EBF1: variants seen among roughly 807,000 people sequenced by gnomAD.
EBF1 encodes the protein transcription factor COE1.
A neutral mutation model predicts 68.4 loss-of-function variants in EBF1; 10 were observed. That is an observed-to-expected ratio of 0.15 (90% CI 0.09 to 0.25). The LOEUF is 0.25. Ranked by LOEUF, EBF1 falls within the 10% of genes least tolerant of loss-of-function variation. The probability of loss-of-function intolerance (pLI) is 1.00; values close to 1 mark genes in which losing one functional copy is unlikely to be tolerated. For synonymous variants in EBF1, 298 were observed against 299.8 expected (o/e 0.99, Z 0.06); for missense variants, 509 against 794.4 (o/e 0.64, Z 4.32).
At position 158,714,102 on chromosome 5, in the gene EBF1, A is replaced by T; in HGVS notation, c.1191+15T>A. The T allele has an allele frequency of 2.5e-6, 4 of 1,613,962 alleles. No homozygotes were observed. Among genetic ancestry groups the T allele is most frequent in the Non-Finnish European group, 3.4e-6 (4 of 1,179,836 alleles). The stretch of plus-strand genomic sequence containing the variant: ...ATGTGGCAGTCCACACAGGCTAGAC[A>T]CCCACAGCGCTCACCTGGTTGTTGT... On this transcript the variant is annotated intron_variant, in intron 12 of 15. Transcript: ENST00000313708.
At chr5:159,014,673 C>T (rs924446525) in intron 6 of EBF1, among the ~76,000 whole-genome samples, 3 of 152,132 alleles carry the variant, frequency 2.0e-5, no homozygotes, top group Admixed American at 1.3e-4. Context: ...CATGGCTGCC[C>T]ATAATAAAAA....
intron 6 of EBF1, among the ~76,000 whole-genome samples, chr5:159,062,794 A>C (rs1464771497): frequency 6.6e-6 from 1 of 152,244 alleles, no homozygotes; most frequent in African/African-American, 2.4e-5. Flanking sequence ...TGTAATACAC[A>C]TAGTTAATAG....
At chr5:158,933,586 G>C (rs1811354592) in intron 6 of EBF1, among the ~76,000 whole-genome samples, 1 of 152,202 alleles carries the variant, frequency 6.6e-6, no homozygotes, top group South Asian at 2.1e-4. Context: ...AAGCTATGAG[G>C]AGGAAGAAAG....
intron 10 of EBF1, among the ~76,000 whole-genome samples, chr5:158,774,819 G>A (rs1774743106): frequency 6.6e-6 from 1 of 152,146 alleles, no homozygotes; most frequent in Admixed American, 6.6e-5. Flanking sequence ...AGGTCCATGT[G>A]TAGGTCACCA....
At chr5:158,793,876 G>A (rs1779148717) in intron 9 of EBF1, among the ~76,000 whole-genome samples, 1 of 152,136 alleles carries the variant, frequency 6.6e-6, no homozygotes, top group Admixed American at 6.5e-5. Flanking sequence ...TGTGTGCCAA[G>A]TAGCCTGTAC....
At chr5:158,889,972 A>C (rs1800838784) in intron 6 of EBF1, among the ~76,000 whole-genome samples, 2 of 152,206 alleles carry the variant, frequency 1.3e-5, no homozygotes, top group Admixed American at 1.3e-4. Flanking sequence ...ATACGGGAGA[A>C]TATGCCTAGG....
chr5:158,978,604 G>T (rs1757239069), intron 6 of EBF1, among the ~76,000 whole-genome samples: 1 of 143,804 alleles, frequency 7.0e-6, no homozygotes, highest in Non-Finnish European at 1.5e-5. Flanking sequence ...CCTTGCCGCT[G>T]CCAACATAAA....
At chr5:159,013,894 G>C (rs1412211606) in intron 6 of EBF1, among the ~76,000 whole-genome samples, 1 of 152,180 alleles carries the variant, frequency 6.6e-6, no homozygotes, top group African/African-American at 2.4e-5. Context: ...GGCTGAAAAA[G>C]TATGCCTCTC....
chr5:158,699,656 A>G (rs1332882870), intron 15 of EBF1, among the ~76,000 whole-genome samples: 3 of 152,208 alleles, frequency 2.0e-5, no homozygotes, highest in African/African-American at 7.2e-5. Context: ...TTAGGTCCTT[A>G]AGCTGGGAGA....
intron 10 of EBF1, among the ~76,000 whole-genome samples, chr5:158,767,478 G>A (rs1395045745): frequency 6.6e-6 from 1 of 152,088 alleles, no homozygotes; most frequent in African/African-American, 2.4e-5. Context: ...CTCAGTGCAG[G>A]CTCTGGTACC....
chr5:158,889,374 C>T (rs1800701137), intron 6 of EBF1, among the ~76,000 whole-genome samples: 1 of 152,104 alleles, frequency 6.6e-6, no homozygotes, highest in Non-Finnish European at 1.5e-5. Flanking sequence ...CTAAAGGATC[C>T]ACTTTGTCAT....
chr5:159,072,916 CT>C (rs1207835980), intron 6 of EBF1, among the ~76,000 whole-genome samples: 1 of 152,148 alleles, frequency 6.6e-6, no homozygotes, highest in African/African-American at 2.4e-5. Context: ...AGTAGAAAAT[CT>C]TGGTTCACAG....
intron 9 of EBF1, among the ~76,000 whole-genome samples, chr5:158,789,472 T>A (rs1413987216): frequency 1.3e-5 from 2 of 152,294 alleles, no homozygotes. Flanking sequence ...AGGGCAATTA[T>A]GTATAAAATT....
chr5:159,031,088 C>T (rs945777917), intron 6 of EBF1, among the ~76,000 whole-genome samples: 7 of 142,006 alleles, frequency 4.9e-5, no homozygotes, highest in Admixed American at 3.7e-4. Flanking sequence ...GCAGGAGAAT[C>T]GCTTGAACCC....
At chr5:158,747,447 C>A (rs1207350445) in intron 10 of EBF1, among the ~76,000 whole-genome samples, 1 of 152,110 alleles carries the variant, frequency 6.6e-6, no homozygotes, top group Non-Finnish European at 1.5e-5. Context: ...TGGAAAAAGA[C>A]AACATCAAAT....
intron 8 of EBF1, among the ~76,000 whole-genome samples, chr5:158,801,444 G>A (rs759054489): frequency 5.9e-5 from 9 of 151,994 alleles, no homozygotes; most frequent in African/African-American, 1.5e-4. Context: ...ACATTTTAGC[G>A]TTTGTATGAG....
chr5:158,839,514 C>G (rs1156520776), intron 7 of EBF1, among the ~76,000 whole-genome samples: 1 of 152,096 alleles, frequency 6.6e-6, no homozygotes, highest in African/African-American at 2.4e-5. Context: ...TCCCGAGTAG[C>G]TGGGACAACA....
At chr5:158,946,908 C>T (rs1472770018) in intron 6 of EBF1, among the ~76,000 whole-genome samples, 2 of 152,210 alleles carry the variant, frequency 1.3e-5, no homozygotes, top group East Asian at 1.9e-4. Context: ...TCTAGAGAGA[C>T]GGTCTGGCTA....
chr5:158,731,214 C>T (rs1764026597), intron 10 of EBF1, 57 bp from the exon 11 acceptor site: 3 of 1,499,668 alleles, frequency 2.0e-6, no homozygotes, highest in East Asian at 2.3e-5. Context: ...CTGAACATGG[C>T]TTGCAACACT....
Sources: gnomAD v4.1 joint callset for allele counts (sites outside exome capture counted in the v4.1 genomes callset) on GRCh38, gnomAD v4.1.1 for gene constraint, MANE v1.5 for transcripts, NCBI Gene and HGNC (gene_info 2026-07-23, HGNC 2026-07-21) for gene names.